Variants in PTK2B observed in about 807,000 individuals in gnomAD.
The protein encoded by PTK2B is protein tyrosine kinase 2 beta, also known as protein-tyrosine kinase 2-beta.
PTK2B carries 71 observed loss-of-function variants against 142.9 expected under a neutral mutation model. That is an observed-to-expected ratio of 0.50 (90% CI 0.41 to 0.61). The LOEUF (loss-of-function observed/expected upper bound fraction) is 0.61. PTK2B is among the 20% of genes least tolerant of loss of function. PTK2B has a pLI of 0.00. For synonymous variants in PTK2B, 519 were observed against 503.4 expected, an observed-to-expected ratio of 1.03 and a Z score of -0.42; for missense variants, 1,105 against 1,320.4, an observed-to-expected ratio of 0.84 and a Z score of 2.53.
intron 8 of PTK2B, 23 bp downstream of exon 8, chr8:27,431,039 C>T: frequency 6.2e-7 from 1 of 1,602,904 alleles, no homozygotes; most frequent in Non-Finnish European, 8.5e-7. Context: ...TCTCTTGATC[C>T]TCTCCCTGAC....
chr8:27,319,448 CG>C (rs914043502), intron 3 of PTK2B, among the ~76,000 whole-genome samples: 40 of 150,292 alleles, frequency 2.7e-4, no homozygotes, highest in African/African-American at 1.0e-3. Flanking sequence ...CGAGACTGTC[CG>C]GGCTAACATG....
intron 2 of PTK2B, among the ~76,000 whole-genome samples, chr8:27,404,305 G>T (rs1016097497): frequency 1.3e-5 from 2 of 152,194 alleles, no homozygotes; most frequent in African/African-American, 4.8e-5. Context: ...AAGACATTGA[G>T]CAGAAGCAGA....
chr8:27,440,141 G>T, intron 20 of PTK2B, 96 bp from the exon 21 acceptor site: 1 of 1,293,128 alleles, frequency 7.7e-7, no homozygotes, highest in South Asian at 1.3e-5. Context: ...CGCAGGAGCT[G>T]CTCCTGGTGG....
intron 1 of PTK2B, among the ~76,000 whole-genome samples, chr8:27,330,648 A>G (rs1803691111): frequency 6.6e-6 from 1 of 152,004 alleles, no homozygotes; most frequent in Non-Finnish European, 1.5e-5. Flanking sequence ...GGGGGAGGGG[A>G]TAGCTTTTTG....
intron 1 of PTK2B, among the ~76,000 whole-genome samples, chr8:27,393,936 C>CATAGCTGCAT (rs1475847038): frequency 6.6e-6 from 1 of 152,054 alleles, no homozygotes; most frequent in Admixed American, 6.6e-5. Flanking sequence ...GTGTTGCCTC[C>CATAGCTGCAT]ATAGCTGCAT....
At chr8:27,419,423 T>G (rs1259025165) in intron 2 of PTK2B, among the ~76,000 whole-genome samples, 2 of 152,188 alleles carry the variant, frequency 1.3e-5, no homozygotes, top group African/African-American at 4.8e-5. Flanking sequence ...TATTAGTTTC[T>G]CCATCAGCCA....
At chr8:27,338,151 A>G (rs554443748) in intron 1 of PTK2B, among the ~76,000 whole-genome samples, 1 of 152,108 alleles carries the variant, frequency 6.6e-6, no homozygotes, top group South Asian at 2.1e-4. Flanking sequence ...CTTGTTGGCC[A>G]TTTGTATGTC....
intron 1 of PTK2B, among the ~76,000 whole-genome samples, chr8:27,391,503 A>C (rs527585881): frequency 4.7e-4 from 71 of 152,310 alleles, no homozygotes; most frequent in African/African-American, 1.6e-3. Context: ...ACTGAACACA[A>C]CATGTGTAAC....
chr8:27,369,281 G>C (rs1806200576), intron 1 of PTK2B, among the ~76,000 whole-genome samples: 1 of 152,028 alleles, frequency 6.6e-6, no homozygotes, highest in Non-Finnish European at 1.5e-5. Flanking sequence ...GCATGTAGGG[G>C]GACCTGAGAT....
Position 27,435,779 on chromosome 8 carries a change from T to C in PTK2B, c.1229T>C (p.Leu410Pro), listed in dbSNP as rs947227498. The change falls in exon 14 of 31, where the codon CTG becomes CCG. Residue 410 changes from leucine to proline, a missense_variant. By Grantham distance (98) the Leu-to-Pro change is moderately conservative. Coordinates refer to ENST00000346049, the MANE Select transcript of PTK2B (RefSeq NM_173176.3). Reference protein sequence around the residue: ...DIYAEIPDETLRRPGGPQYGI... With the variant: ...DIYAEIPDETPRRPGGPQYGI... The stretch of plus-strand genomic sequence containing the variant: ...TACGCAGAGATTCCCGACGAAACCC[T>C]GCGAAGGCCCGGAGGTAGGTTCTCG... 16 of 1,614,074 alleles carry C rather than the reference T, an allele frequency of 9.9e-6. No individual in the cohort carries two copies. In the East Asian group the frequency reaches 3.3e-4, roughly 34 times the overall value.
chr8:27,430,871 C>T lies in PTK2B; in HGVS notation c.670-5C>T, dbSNP rs748543865. 1 of 1,613,370 alleles carries T rather than the reference C, an allele frequency of 6.2e-7. No homozygotes were observed. Among genetic ancestry groups the T allele is most frequent in the Non-Finnish European group, 8.5e-7 (1 of 1,179,558 alleles). ...ATTGCTCACACGGCCCATCCCCTCC[C>T]CCAGCCCAAACAGTTCCGGAAGATG... On this transcript the variant is annotated splice_region_variant and splice_polypyrimidine_tract_variant and intron_variant, in intron 7 of 30. Transcript: ENST00000346049.
In PTK2B at chr8:27,458,654, A is replaced by AC; in HGVS notation, c.*149dup. The AC allele has an allele frequency of 5.2e-6, 4 of 772,552 alleles. No individual in the cohort carries two copies. The South Asian group carries it at 6.9e-5, about 13-fold the overall frequency. 47.9% of individuals were successfully genotyped at this position (772,552 alleles called of 1,614,324 possible). On this transcript the variant is annotated 3_prime_UTR_variant, in exon 31 of 31. Coordinates refer to ENST00000346049, the MANE Select transcript of PTK2B (RefSeq NM_173176.3). Reference sequence around the variant, plus strand: ...CCACTTTGCACGACGCCCTCTCCCCACCCCTACCCCTGGCTGTACTGCTCA... The same window carrying AC: ...CCACTTTGCACGACGCCCTCTCCCCACCCCCTACCCCTGGCTGTACTGCTCA...
chr8:27,342,606 C>G (rs1184597979), intron 1 of PTK2B, among the ~76,000 whole-genome samples: 1 of 152,208 alleles, frequency 6.6e-6, no homozygotes, highest in African/African-American at 2.4e-5. Context: ...TTCCTAAATT[C>G]CCACCTCTCA....
chr8:27,341,825 C>T (rs1407943207), intron 1 of PTK2B, among the ~76,000 whole-genome samples: 1 of 152,074 alleles, frequency 6.6e-6, no homozygotes, highest in Non-Finnish European at 1.5e-5. Context: ...AGGCACCCAC[C>T]ATCACACTCA....
At chr8:27,416,391 T>C (rs1809402825) in intron 2 of PTK2B, among the ~76,000 whole-genome samples, 1 of 152,166 alleles carries the variant, frequency 6.6e-6, no homozygotes, top group East Asian at 1.9e-4. Context: ...AAATGATTTT[T>C]GACAAAGAAA....
At chr8:27,448,016 T>C (rs1410185490) in intron 24 of PTK2B, among the ~76,000 whole-genome samples, 1 of 152,206 alleles carries the variant, frequency 6.6e-6, no homozygotes, top group East Asian at 1.9e-4. Flanking sequence ...CACTTACCTG[T>C]AATGCAAGCC....
In PTK2B at chr8:27,315,387, A is replaced by G. The variant is rs1027434497; in HGVS notation, c.-414+2100A>G. On this transcript the variant is annotated intron_variant, in intron 3 of 35. Coordinates refer to the PTK2B transcript ENST00000397501. Reference sequence around the variant, plus strand: ...CCAACAAGTTGTTGGGTCTCCAGCTATGGTTGGTTAGTGGTTCAAAAATTA... The same window carrying G: ...CCAACAAGTTGTTGGGTCTCCAGCTGTGGTTGGTTAGTGGTTCAAAAATTA... Among the ~76,000 whole-genome samples the G allele has an allele frequency of 5.3e-5, 8 of 152,200 alleles. No homozygotes were observed. The East Asian group carries it at 1.2e-3, about 22-fold the overall frequency.
At position 27,458,987 on chromosome 8, in the gene PTK2B, C is replaced by T; in HGVS notation, c.*478C>T. Reference sequence around the variant, plus strand: ...GGCAGCCAGTGAGATGAGGGATGGGCCTGGCATTCTTGTACAGTGTATATT... The same window carrying T: ...GGCAGCCAGTGAGATGAGGGATGGGTCTGGCATTCTTGTACAGTGTATATT... On this transcript the variant is annotated 3_prime_UTR_variant, in exon 31 of 31. Coordinates refer to ENST00000346049, the MANE Select transcript of PTK2B (RefSeq NM_173176.3). 2 of 316,138 alleles carry T rather than the reference C, an allele frequency of 6.3e-6. No individual in the cohort carries two copies. The highest frequency in any genetic ancestry group is 1.0e-4 in the East Asian group (2 of 20,004). 19.6% of individuals were successfully genotyped at this position (316,138 alleles called of 1,614,324 possible).
chr8:27,445,494 A>G (rs1489841705), intron 23 of PTK2B, among the ~76,000 whole-genome samples: 1 of 152,162 alleles, frequency 6.6e-6, no homozygotes, highest in Admixed American at 6.5e-5. Context: ...AACTGAAACA[A>G]CTATTTTTTG....
Sources: gnomAD v4.1 joint callset for allele counts (sites outside exome capture counted in the v4.1 genomes callset) on GRCh38, gnomAD v4.1.1 for gene constraint, MANE v1.5 for transcripts, NCBI Gene and HGNC (gene_info 2026-07-23, HGNC 2026-07-21) for gene names.